Variants in USH2A observed in about 807,000 individuals in gnomAD.
The protein encoded by USH2A is Usher syndrome 2A (autosomal recessive, mild).
USH2A carries 443 observed loss-of-function variants against 538.9 expected under a neutral mutation model. The observed-to-expected ratio is 0.82, with a 90% CI of 0.76 to 0.89. The LOEUF (loss-of-function observed/expected upper bound fraction) is 0.89. USH2A is among the 40% of genes least tolerant of loss of function. The pLI is 0.00. For synonymous variants in USH2A, 2,413 were observed against 2,273.5 expected, an observed-to-expected ratio of 1.06 and a Z score of -1.75; for missense variants, 6,633 against 6,324.8, an observed-to-expected ratio of 1.05 and a Z score of -1.65.
chr1:215,909,352 T>G (rs1215841793), intron 38 of USH2A, among the ~76,000 whole-genome samples: 12 of 151,902 alleles, frequency 7.9e-5, no homozygotes, highest in Admixed American at 7.9e-4. Flanking sequence ...CTACTTCATA[T>G]GACACTATAA....
At chr1:215,856,813 T>C (rs140550964) in intron 44 of USH2A, among the ~76,000 whole-genome samples, 2 of 150,448 alleles carry the variant, frequency 1.3e-5, no homozygotes, top group African/African-American at 2.4e-5. Flanking sequence ...CATCAATCAA[T>C]GAGTGGATAA....
chr1:215,943,638 C>T (rs1666690636), intron 37 of USH2A, among the ~76,000 whole-genome samples: 1 of 152,114 alleles, frequency 6.6e-6, no homozygotes, highest in African/African-American at 2.4e-5. Flanking sequence ...AACAATGGCT[C>T]ACAGTCAACT....
intron 3 of USH2A, among the ~76,000 whole-genome samples, chr1:216,384,606 C>A (rs1024724315): frequency 6.6e-6 from 1 of 152,034 alleles, no homozygotes; most frequent in Non-Finnish European, 1.5e-5. Context: ...CTGAAATTTA[C>A]CCTAAGGCTG....
chr1:215,738,462 G>T (rs187088057), intron 60 of USH2A, among the ~76,000 whole-genome samples: 117 of 152,134 alleles, frequency 7.7e-4, no homozygotes, highest in Non-Finnish European at 9.3e-4. Context: ...AGGTTATTTT[G>T]TTTCGTTTTT....
chr1:216,358,953 C>T lies in USH2A; in HGVS notation c.784+6000G>A, dbSNP rs149736034. ...CAGTGCATAGGGGACTAATTTATGG[C>T]GCTATCAAATACTTTGAGCAACATT... On this transcript the variant is annotated intron_variant, in intron 4 of 71. Coordinates refer to ENST00000307340, the MANE Select transcript of USH2A (RefSeq NM_206933.4). Among the ~76,000 whole-genome samples the T allele has an allele frequency of 7.3e-4, 111 of 152,114 alleles. No individual in the cohort carries two copies. The East Asian group carries it at 0.012, about 16-fold the overall frequency.
Position 215,640,889 on chromosome 1 carries a change from AC to A in USH2A, c.14792-156del, listed in dbSNP as rs1159619093. Among the ~76,000 whole-genome samples, 35 of 151,598 alleles carry A rather than the reference AC, an allele frequency of 2.3e-4. 1 individual carries two copies. The highest frequency in any genetic ancestry group is 1.8e-3 in the Admixed American group (27 of 15,222). On this transcript the variant is annotated intron_variant, in intron 67 of 71. Coordinates refer to ENST00000307340, the MANE Select transcript of USH2A (RefSeq NM_206933.4). The stretch of plus-strand genomic sequence containing the variant: ...AAAACCAACATTGCTAGAATCCTTC[AC>A]TTTTTCCTCAGTATTACGAAACAAC...
intron 21 of USH2A, among the ~76,000 whole-genome samples, chr1:216,144,777 G>GT (rs1223194497): frequency 6.6e-6 from 1 of 152,074 alleles, no homozygotes; most frequent in Non-Finnish European, 1.5e-5. Flanking sequence ...TTTCTTGATT[G>GT]TTTTTTAACT....
chr1:216,147,099 T>G (rs11120737), intron 21 of USH2A, among the ~76,000 whole-genome samples: 136,128 of 151,800 alleles, frequency 0.9, 61,313 homozygotes, highest in East Asian at 0.98. Flanking sequence ...TGTGACCAGT[T>G]AAACTCATCC....
intron 49 of USH2A, among the ~76,000 whole-genome samples, chr1:215,811,825 G>C (rs1662695587): frequency 6.6e-6 from 1 of 151,654 alleles, no homozygotes; most frequent in Non-Finnish European, 1.5e-5. Flanking sequence ...AGAATCGCTT[G>C]AACCTGGGAG....
intron 4 of USH2A, among the ~76,000 whole-genome samples, chr1:216,328,109 T>G (rs551443525): frequency 6.6e-6 from 1 of 152,264 alleles, no homozygotes; most frequent in South Asian, 2.1e-4. Context: ...GCTATCTGTT[T>G]GGGTTCTCTC....
At chr1:216,054,983 T>C (rs778139616) in intron 30 of USH2A, among the ~76,000 whole-genome samples, 1 of 152,198 alleles carries the variant, frequency 6.6e-6, no homozygotes, top group Non-Finnish European at 1.5e-5. Context: ...GTAAGGATCA[T>C]GCACAATATT....
chr1:216,175,553 A>T (rs1295403329), intron 20 of USH2A, 71 bp from the exon 21 acceptor site: 9 of 1,368,368 alleles, frequency 6.6e-6, no homozygotes. Context: ...ATTCACATAT[A>T]CGTATATATG....
chr1:216,332,180 T>C (rs1571710696), intron 4 of USH2A, among the ~76,000 whole-genome samples: 2 of 152,194 alleles, frequency 1.3e-5, no homozygotes, highest in African/African-American at 4.8e-5. Context: ...CCTCAGATGA[T>C]TGTCATTATT....
intron 3 of USH2A, among the ~76,000 whole-genome samples, chr1:216,396,340 A>G (rs189828646): frequency 6.6e-6 from 1 of 152,302 alleles, no homozygotes; most frequent in East Asian, 1.9e-4. Flanking sequence ...GCTTGAAATT[A>G]TCTAAACTGT....
At chr1:216,169,862 T>C (rs2034244684) in intron 21 of USH2A, among the ~76,000 whole-genome samples, 1 of 152,158 alleles carries the variant, frequency 6.6e-6, no homozygotes, top group Non-Finnish European at 1.5e-5. Flanking sequence ...TTTCAATAAC[T>C]AGGGCTGAAA....
At chr1:215,977,912 G>A (rs899620441) in intron 35 of USH2A, among the ~76,000 whole-genome samples, 2 of 152,160 alleles carry the variant, frequency 1.3e-5, no homozygotes, top group East Asian at 3.9e-4. Context: ...AATCGCTTGA[G>A]TCTAGGAGTT....
intron 25 of USH2A, among the ~76,000 whole-genome samples, chr1:216,084,247 T>A (rs1033544182): frequency 4.6e-5 from 7 of 152,002 alleles, no homozygotes; most frequent in African/African-American, 1.5e-4. Flanking sequence ...CAGTTCTCTC[T>A]CAATGGCCTA....
chr1:216,087,406 C>A (rs2032167853), intron 23 of USH2A, among the ~76,000 whole-genome samples: 1 of 152,066 alleles, frequency 6.6e-6, no homozygotes, highest in Admixed American at 6.6e-5. Context: ...CTCAACTGAA[C>A]TTTGAATGTC....
At chr1:215,889,413 AT>A (rs1665152632) in intron 40 of USH2A, among the ~76,000 whole-genome samples, 1 of 152,086 alleles carries the variant, frequency 6.6e-6, no homozygotes, top group Non-Finnish European at 1.5e-5. Context: ...CTTCCCCTAC[AT>A]TTTTTTCTAG....
Sources: gnomAD v4.1 joint callset for allele counts (sites outside exome capture counted in the v4.1 genomes callset) on GRCh38, gnomAD v4.1.1 for gene constraint, MANE v1.5 for transcripts, NCBI Gene and HGNC (gene_info 2026-07-23, HGNC 2026-07-21) for gene names.